The following SETBP1 variants were observed in gnomAD, a reference collection of about 807,000 sequenced individuals.
SETBP1 encodes SET-binding protein.
Under a neutral mutation model 101.0 loss-of-function variants are expected in SETBP1, and 9 were observed. That is an observed-to-expected ratio of 0.09 (90% CI 0.05 to 0.16). The LOEUF (loss-of-function observed/expected upper bound fraction) is 0.16. Among genes scored for constraint, SETBP1 ranks in the 10% least tolerant of loss-of-function variants. The pLI is 1.00. For missense variants in SETBP1, 1,858 were observed against 2,033.8 expected (o/e 0.91, Z 1.66); for synonymous variants, 818 against 788.5 (o/e 1.04, Z -0.63).
intron 2 of SETBP1, among the ~76,000 whole-genome samples, chr18:44,751,415 C>A (rs1324359337): frequency 2.6e-5 from 4 of 152,210 alleles, no homozygotes; most frequent in African/African-American, 9.6e-5. Context: ...TCAGCAAGGG[C>A]AAGGAGTTCC....
chr18:44,889,209 G>A (rs572505990), intron 3 of SETBP1, among the ~76,000 whole-genome samples: 20 of 151,994 alleles, frequency 1.3e-4, no homozygotes, highest in Non-Finnish European at 2.4e-4. Context: ...TAATCTCCAG[G>A]GACAACCATA....
At chr18:44,809,867 C>CT (rs2144821437) in intron 2 of SETBP1, among the ~76,000 whole-genome samples, 1 of 152,228 alleles carries the variant, frequency 6.6e-6, no homozygotes, top group South Asian at 2.1e-4. Flanking sequence ...CAGAATAACC[C>CT]TTTTTAGGAA....
At chr18:44,697,176 G>C (rs1368344911) in intron 1 of SETBP1, 1 of 152,212 alleles carries the variant, frequency 6.6e-6, no homozygotes, top group African/African-American at 2.4e-5. Context: ...GTGAGCCTGT[G>C]CGTGTGCTCA....
intron 3 of SETBP1, among the ~76,000 whole-genome samples, chr18:44,881,978 A>G (rs2069540029): frequency 6.6e-6 from 1 of 152,156 alleles, no homozygotes; most frequent in Admixed American, 6.5e-5. Flanking sequence ...AATAACAAAC[A>G]TGTAGCTCTG....
chr18:44,759,882 G>T (rs767974590), intron 2 of SETBP1, among the ~76,000 whole-genome samples: 1 of 152,186 alleles, frequency 6.6e-6, no homozygotes, highest in East Asian at 1.9e-4. Context: ...AAAAACTGAC[G>T]TCTGCATCCT....
chr18:44,720,600 G>A (rs546267179), intron 2 of SETBP1, among the ~76,000 whole-genome samples: 20 of 152,308 alleles, frequency 1.3e-4, no homozygotes, highest in South Asian at 2.1e-4. Flanking sequence ...TGTTAGGGAG[G>A]TTAGGCCCAC....
intron 2 of SETBP1, among the ~76,000 whole-genome samples, chr18:44,742,063 C>T (rs1404019684): frequency 6.6e-6 from 1 of 152,220 alleles, no homozygotes; most frequent in African/African-American, 2.4e-5. Context: ...AGACCATAAT[C>T]CCTGGTGGTC....
At chr18:44,990,889 A>G (rs1052923051) in intron 4 of SETBP1, among the ~76,000 whole-genome samples, 3 of 150,568 alleles carry the variant, frequency 2.0e-5, no homozygotes, top group Non-Finnish European at 3.0e-5. Context: ...CTAAACAGAT[A>G]GAACTAAAGG....
chr18:44,887,842 C>T (rs754477189), intron 3 of SETBP1, among the ~76,000 whole-genome samples: 51 of 152,008 alleles, frequency 3.4e-4, no homozygotes, highest in Admixed American at 1.3e-3. Flanking sequence ...GAGTCAAAAG[C>T]CTAGGCAGAG....
At chr18:44,905,982 C>T (rs2070165562) in intron 3 of SETBP1, among the ~76,000 whole-genome samples, 1 of 152,202 alleles carries the variant, frequency 6.6e-6, no homozygotes, top group Admixed American at 6.5e-5. Context: ...CCATAGGTGT[C>T]CTCATAGCCA....
At chr18:44,944,234 T>C (rs148056609) in intron 3 of SETBP1, among the ~76,000 whole-genome samples, 3 of 152,328 alleles carry the variant, frequency 2.0e-5, no homozygotes, top group East Asian at 1.9e-4. Flanking sequence ...TTTCATACTA[T>C]GTAAATTACG....
At chr18:44,833,422 G>T (rs2072421471) in intron 2 of SETBP1, among the ~76,000 whole-genome samples, 1 of 152,176 alleles carries the variant, frequency 6.6e-6, no homozygotes, top group Non-Finnish European at 1.5e-5. Flanking sequence ...AATGAGGAGA[G>T]TCCCTGGGAG....
intron 2 of SETBP1, among the ~76,000 whole-genome samples, chr18:44,837,790 C>A (rs2072529143): frequency 6.6e-6 from 1 of 152,184 alleles, no homozygotes; most frequent in Non-Finnish European, 1.5e-5. Flanking sequence ...CATTTTCTGA[C>A]CTATCCATAT....
intron 2 of SETBP1, among the ~76,000 whole-genome samples, chr18:44,782,775 C>T (rs1028131094): frequency 2.0e-5 from 3 of 152,126 alleles, no homozygotes; most frequent in Admixed American, 6.5e-5. Context: ...CTTGTATTCG[C>T]GGTGGGCATA....
intron 4 of SETBP1, among the ~76,000 whole-genome samples, chr18:44,999,185 A>G (rs1255026700): frequency 1.3e-5 from 2 of 151,832 alleles, no homozygotes; most frequent in Non-Finnish European, 2.9e-5. Flanking sequence ...TCGGATGATA[A>G]CCTTAGGGGT....
chr18:44,711,664 T>C (rs952981457), intron 2 of SETBP1, among the ~76,000 whole-genome samples: 2 of 151,512 alleles, frequency 1.3e-5, no homozygotes, highest in Admixed American at 6.6e-5. Context: ...TAGCTAGTAC[T>C]GCAGGTGTGC....
chr18:44,952,299 C>T lies in SETBP1; in HGVS notation c.2959C>T (p.Arg987Trp), dbSNP rs767152507. Reference sequence around the variant, plus strand: ...CGAGAATCCATATCCCAGCATTTTTCGGATTAATTTTGATCACTATTACCC... The same window carrying T: ...CGAGAATCCATATCCCAGCATTTTTTGGATTAATTTTGATCACTATTACCC... ...YHENPYPSIF[R>W]INFDHYYPVP... The change falls in exon 4 of 6, where the codon CGG (arginine) becomes TGG (tryptophan). Residue 987 changes from arginine (R) to tryptophan (W), a missense_variant. Around this residue, in one of 12 missense-constraint regions of SETBP1, gnomAD observed 255 missense variants for 300.1 expected, o/e 0.85. Coordinates refer to ENST00000649279, the MANE Select transcript of SETBP1 (RefSeq NM_015559.3). 2 of 1,614,112 alleles carry T rather than the reference C, an allele frequency of 1.2e-6. No individual in the cohort carries two copies. The highest frequency in any genetic ancestry group is 1.7e-5 in the Admixed American group (1 of 60,024).
intron 2 of SETBP1, among the ~76,000 whole-genome samples, chr18:44,724,424 A>G (rs115856329): frequency 0.027 from 4,141 of 152,070 alleles, 104 homozygotes; most frequent in South Asian, 0.082. Flanking sequence ...GGGGGAGGGG[A>G]GCTGGCCTAG....
chr18:44,838,317 A>C (rs2072539144), intron 2 of SETBP1, among the ~76,000 whole-genome samples: 1 of 152,104 alleles, frequency 6.6e-6, no homozygotes, highest in African/African-American at 2.4e-5. Context: ...TTCGCTTCAC[A>C]CCCTGCGCAG....
Sources: gnomAD v4.1 joint callset for allele counts (sites outside exome capture counted in the v4.1 genomes callset) on GRCh38, gnomAD v4.1.1 for gene constraint, gnomAD v4.1.1 regional missense constraint, MANE v1.5 for transcripts, NCBI Gene and HGNC (gene_info 2026-07-23, HGNC 2026-07-21) for gene names.